Variants in NIPA1 observed in about 807,000 individuals in gnomAD.
NIPA1 encodes magnesium transporter NIPA1.
A neutral mutation model predicts 23.9 loss-of-function variants in NIPA1; 13 were observed. The ratio of observed to expected loss-of-function variants is 0.54; its 90% CI spans 0.35 to 0.87. The LOEUF is 0.87. NIPA1 is among the 40% of genes least tolerant of loss of function. NIPA1 has a pLI of 0.01. For missense variants in NIPA1, 362 were observed against 429.7 expected, an observed-to-expected ratio of 0.84 and a Z score of 1.39; for synonymous variants, 234 against 202.9, an observed-to-expected ratio of 1.15 and a Z score of -1.30.
rs775279166 is a variant in NIPA1 at position 22,827,942 on chromosome 15, T to G, written c.*3703T>G. ...TAACCCAGAAGAGGGGAGAGAGTAC[T>G]CCGGTGGTTCCCAGAGCCCCTCCCG... On this transcript the variant is annotated 3_prime_UTR_variant, in exon 5 of 5. Coordinates refer to ENST00000337435, the MANE Select transcript of NIPA1 (RefSeq NM_144599.5). 3.9e-5 allele frequency: 6 copies of G among 152,126 alleles called. No individual in the cohort carries two copies. The highest frequency in any genetic ancestry group is 8.8e-5 in the Non-Finnish European group (6 of 68,044). 9.4% of individuals were successfully genotyped at this position (152,126 alleles called of 1,614,324 possible). A position where few individuals can be genotyped will look rare whatever the true frequency, so the allele number is the denominator to read the frequency against.
At position 22,817,186 on chromosome 15, in the gene NIPA1, CAAAAAAAAA is replaced by C. The variant is rs894814701; in HGVS notation, c.318-3111_318-3103del. ...CAGGCAACAGAGTGAGACTCTGTCT[CAAAAAAAAA>C]AAAAAAAAAAAAAAATTACATCTGC... On this transcript the variant is annotated intron_variant, in intron 3 of 4. Coordinates refer to ENST00000337435, the MANE Select transcript of NIPA1 (RefSeq NM_144599.5). 3.6e-3 allele frequency among the ~76,000 whole-genome samples: 220 copies of C among 61,058 alleles called. 2 individuals are homozygous for C. Among genetic ancestry groups the C allele is most frequent in the African/African-American group, 0.016 (212 of 13,122 alleles). The allele number at this position is 61,058 out of a possible 152,430, so 40.1% of individuals were successfully genotyped here.
chr15:22,810,694 A>G, intron 1 of NIPA1, 55 bp from the exon 2 acceptor site: 1 of 1,013,040 alleles, frequency 9.9e-7, no homozygotes, highest in Non-Finnish European at 1.6e-6. Context: ...CCTCTTCCTG[A>G]TATACGTAGC....
intron 1 of NIPA1, among the ~76,000 whole-genome samples, chr15:22,796,017 G>A (rs898950042): frequency 6.6e-6 from 1 of 151,804 alleles, no homozygotes; most frequent in African/African-American, 2.4e-5. Context: ...CTGCAGCTTC[G>A]ACCTCCTGGG....
intron 1 of NIPA1, among the ~76,000 whole-genome samples, chr15:22,803,208 C>T (rs1185731514): frequency 6.6e-6 from 1 of 152,004 alleles, no homozygotes; most frequent in Non-Finnish European, 1.5e-5. Context: ...CCACTCACCT[C>T]GGCCTCCCAA....
intron 1 of NIPA1, among the ~76,000 whole-genome samples, chr15:22,798,480 C>T (rs1376961055): frequency 2.7e-5 from 4 of 148,176 alleles, no homozygotes; most frequent in Non-Finnish European, 4.5e-5. Flanking sequence ...ACCTTGTGAT[C>T]TGCCTGCCTC....
In NIPA1 at chr15:22,828,637, T is replaced by C. The variant is rs1025973734; in HGVS notation, c.*4398T>C. On this transcript the variant is annotated 3_prime_UTR_variant, in exon 5 of 5. Transcript: ENST00000337435. ...TCAAAATATGTTGTCTAGTAAAAAG[T>C]TGATATTCAGTAGAACAAGGATCAT... The C allele has an allele frequency of 2.0e-5, 3 of 152,602 alleles. No individual in the cohort carries two copies. Among genetic ancestry groups the C allele is most frequent in the South Asian group, 2.1e-4 (1 of 4,832 alleles). The allele number at this position is 152,602 out of a possible 1,614,324, so 9.5% of individuals were successfully genotyped here. A position where few individuals can be genotyped will look rare whatever the true frequency, so the allele number is the denominator to read the frequency against.
intron 1 of NIPA1, among the ~76,000 whole-genome samples, chr15:22,808,706 A>G (rs1033388180): frequency 1.9e-5 from 2 of 103,644 alleles, no homozygotes; most frequent in Admixed American, 2.3e-4. Context: ...GTCTCACTCT[A>G]TCACCCAGGC....
intron 1 of NIPA1, among the ~76,000 whole-genome samples, chr15:22,797,360 C>T (rs1894959911): frequency 6.6e-6 from 1 of 152,030 alleles, no homozygotes; most frequent in Non-Finnish European, 1.5e-5. Flanking sequence ...CAGGCGCCCG[C>T]CATCACACCC....
At chr15:22,811,105 A>T (rs1399476949) in intron 2 of NIPA1, 3 of 385,510 alleles carry the variant, frequency 7.8e-6, no homozygotes, top group Non-Finnish European at 1.4e-5. Context: ...GAAGAAATTA[A>T]AACAGCTCCT....
In NIPA1 at chr15:22,810,450, C is replaced by T. The variant is rs184985067; in HGVS notation, c.179-299C>T. Among the ~76,000 whole-genome samples the T allele has an allele frequency of 2.0e-3, 300 of 152,196 alleles. 1 individual carries two copies. The highest frequency in any genetic ancestry group is 8.1e-3 in the Admixed American group (124 of 15,280). On this transcript the variant is annotated intron_variant, in intron 1 of 4. Coordinates refer to ENST00000337435, the MANE Select transcript of NIPA1 (RefSeq NM_144599.5). Reference sequence around the variant, plus strand: ...TTTTGAGATAAAAATAAAACTCCATCAAAGGAATATCTTTGTGGTAGCTTG... The same window carrying T: ...TTTTGAGATAAAAATAAAACTCCATTAAAGGAATATCTTTGTGGTAGCTTG...
Position 22,812,164 on chromosome 15 carries a change from G to A in NIPA1, c.228G>A (p.Met76Ile), listed in dbSNP as rs1895330420. 2 of 1,610,886 alleles carry A rather than the reference G, an allele frequency of 1.2e-6. No individual in the cohort carries two copies. The highest frequency in any genetic ancestry group is 1.7e-6 in the Non-Finnish European group (2 of 1,177,874). ...GTATCCTTGTGATTTTCTTGACAGT[G>A]GCTGTTGGCCAGATTGGAAACTTCC... ...DIVWWAGTIA[M>I]AVGQIGNFLA... The change falls in exon 3 of 5, where the codon ATG becomes ATA. Residue 76 changes from methionine (M) to isoleucine (I), a missense_variant and splice_region_variant. By Grantham distance (10) the Met-to-Ile change is conservative. This residue lies in a region of NIPA1 where 277 missense variants were observed against 372.0 expected (regional missense o/e 0.74). Coordinates refer to ENST00000337435, the MANE Select transcript of NIPA1 (RefSeq NM_144599.5).
At chr15:22,800,225 C>A (rs1895047098) in intron 1 of NIPA1, among the ~76,000 whole-genome samples, 1 of 152,110 alleles carries the variant, frequency 6.6e-6, no homozygotes, top group Non-Finnish European at 1.5e-5. Flanking sequence ...ACCCCAGTGC[C>A]AACCCCACCC....
At chr15:22,788,515 A>AAAAAAAAAAAAAAAAAAAC in intron 1 of NIPA1, among the ~76,000 whole-genome samples, 2 of 151,098 alleles carry the variant, frequency 1.3e-5, no homozygotes, top group Admixed American at 6.6e-5. Context: ...AAAAAAAAAA[A>AAAAAAAAAAAAAAAAAAAC]TCTTGCAGTA....
chr15:22,798,020 T>C (rs6606828), intron 1 of NIPA1, among the ~76,000 whole-genome samples: 1 of 151,200 alleles, frequency 6.6e-6, no homozygotes, highest in African/African-American at 2.4e-5. Flanking sequence ...AATTTCTTTT[T>C]GTATTTTTAG....
At chr15:22,793,357 CAAAAAAAA>C (rs1163603849) in intron 1 of NIPA1, among the ~76,000 whole-genome samples, 4 of 73,094 alleles carry the variant, frequency 5.5e-5, no homozygotes, top group African/African-American at 2.0e-4. Context: ...GACTGTGTCT[CAAAAAAAA>C]AAAAAAAAAA....
intron 1 of NIPA1, among the ~76,000 whole-genome samples, chr15:22,806,165 C>T (rs927595868): frequency 6.6e-5 from 10 of 152,252 alleles, no homozygotes; most frequent in South Asian, 2.1e-4. Flanking sequence ...CCTTGTGATC[C>T]GCCCGCCTCG....
chr15:22,805,960 G>T (rs1037200663), intron 1 of NIPA1, among the ~76,000 whole-genome samples: 39 of 151,798 alleles, frequency 2.6e-4, no homozygotes, highest in Admixed American at 2.4e-3. Flanking sequence ...GTCTCACTCT[G>T]TCGCCCAGGC....
intron 1 of NIPA1, among the ~76,000 whole-genome samples, chr15:22,789,862 T>C (rs1304285105): frequency 6.6e-6 from 1 of 152,090 alleles, no homozygotes; most frequent in Non-Finnish European, 1.5e-5. Context: ...TGGCGCGATC[T>C]TGGCTCATTG....
At chr15:22,787,225 C>T (rs563543296) in intron 1 of NIPA1, among the ~76,000 whole-genome samples, 6 of 152,256 alleles carry the variant, frequency 3.9e-5, no homozygotes, top group Non-Finnish European at 8.8e-5. Flanking sequence ...GGCCGGGAGC[C>T]TCCTGCGGAC....
Sources: gnomAD v4.1 joint callset for allele counts (sites outside exome capture counted in the v4.1 genomes callset) on GRCh38, gnomAD v4.1.1 for gene constraint, gnomAD v4.1.1 regional missense constraint, MANE v1.5 for transcripts, NCBI Gene and HGNC (gene_info 2026-07-23, HGNC 2026-07-21) for gene names.